Variants in PRMT8 observed in about 807,000 individuals in gnomAD.
PRMT8 encodes the protein protein arginine N-methyltransferase 8.
PRMT8 carries 7 observed loss-of-function variants against 47.1 expected under a neutral mutation model. The ratio of observed to expected loss-of-function variants is 0.15; its 90% CI spans 0.08 to 0.28. PRMT8 has a LOEUF of 0.28. Ranked by LOEUF, PRMT8 falls within the 10% of genes least tolerant of loss-of-function variation. PRMT8 has a pLI of 1.00. For missense variants in PRMT8, 237 were observed against 505.4 expected, an observed-to-expected ratio of 0.47 and a Z score of 5.09; for synonymous variants, 188 against 186.5, an observed-to-expected ratio of 1.01 and a Z score of -0.07.
At chr12:3,412,962 T>C (rs1403510704) in intron 1 of PRMT8, among the ~76,000 whole-genome samples, 2 of 152,226 alleles carry the variant, frequency 1.3e-5, no homozygotes, top group East Asian at 1.9e-4. Flanking sequence ...TGGTCTGCCA[T>C]AGCAATCCTG....
chr12:3,390,427 G>T (rs143450999), intron 1 of PRMT8, among the ~76,000 whole-genome samples: 13 of 152,324 alleles, frequency 8.5e-5, no homozygotes, highest in African/African-American at 2.6e-4. Flanking sequence ...CATACAGCAT[G>T]GCTTTGGGCT....
chr12:3,579,732 T>G (rs997424472), intron 7 of PRMT8, among the ~76,000 whole-genome samples: 9 of 152,214 alleles, frequency 5.9e-5, no homozygotes, highest in Non-Finnish European at 8.8e-5. Context: ...TCATCGCTAT[T>G]AACATTGCAG....
rs74056249 is a variant in PRMT8 at position 3,590,522 on chromosome 12, C to T, written c.980-1709C>T. Among the ~76,000 whole-genome samples, 1,162 of 152,078 alleles carry T rather than the reference C, an allele frequency of 7.6e-3. 13 individuals are homozygous for T. The highest frequency in any genetic ancestry group is 0.026 in the African/African-American group (1,083 of 41,480). On this transcript the variant is annotated intron_variant, in intron 8 of 9. Transcript: ENST00000382622. Reference sequence around the variant, plus strand: ...TGCCTAGTGACTAGCCTTTGTTCTGCCCCCAAAGCCATGATAAGGCCACAT... The same window carrying T: ...TGCCTAGTGACTAGCCTTTGTTCTGTCCCCAAAGCCATGATAAGGCCACAT...
intron 1 of PRMT8, among the ~76,000 whole-genome samples, chr12:3,477,840 T>A (rs1318865196): frequency 3.3e-5 from 5 of 152,188 alleles, no homozygotes; most frequent in African/African-American, 1.2e-4. Flanking sequence ...TATATCCAGC[T>A]CAAAGTTAAT....
intron 1 of PRMT8, among the ~76,000 whole-genome samples, chr12:3,425,773 T>C (rs1375422695): frequency 6.6e-6 from 1 of 152,228 alleles, no homozygotes; most frequent in South Asian, 2.1e-4. Context: ...CTCTGGTTGA[T>C]GAAATGCCAG....
At chr12:3,433,757 G>A (rs1265715503) in intron 1 of PRMT8, among the ~76,000 whole-genome samples, 1 of 152,162 alleles carries the variant, frequency 6.6e-6, no homozygotes, top group Non-Finnish European at 1.5e-5. Context: ...GGCTACAGGT[G>A]CATGCCGCCA....
intron 1 of PRMT8, among the ~76,000 whole-genome samples, chr12:3,494,202 G>A (rs972132783): frequency 6.6e-6 from 1 of 152,164 alleles, no homozygotes; most frequent in African/African-American, 2.4e-5. Flanking sequence ...TACCAGGAAA[G>A]CTAGGTACCC....
intron 1 of PRMT8, among the ~76,000 whole-genome samples, chr12:3,405,407 A>G (rs1565399950): frequency 6.6e-6 from 1 of 152,154 alleles, no homozygotes; most frequent in Non-Finnish European, 1.5e-5. Context: ...CTCCTTCCAA[A>G]TATCATGTCT....
At chr12:3,443,906 T>C (rs73254133) in intron 1 of PRMT8, among the ~76,000 whole-genome samples, 2,117 of 152,322 alleles carry the variant, frequency 0.014, 52 homozygotes, top group African/African-American at 0.048. Flanking sequence ...GCATTAGCTC[T>C]CTCTCCTGTA....
In PRMT8 at chr12:3,580,862, G is replaced by C. The variant is rs917110149; in HGVS notation, c.829-2196G>C. Among the ~76,000 whole-genome samples the C allele has an allele frequency of 2.0e-5, 3 of 152,304 alleles. No individual in the cohort carries two copies. Among genetic ancestry groups the C allele is most frequent in the Non-Finnish European group, 4.4e-5 (3 of 68,026 alleles). On this transcript the variant is annotated intron_variant, in intron 7 of 9. Coordinates refer to ENST00000382622, the MANE Select transcript of PRMT8 (RefSeq NM_019854.5). This position sits in a 1 kb window ranked among gnomAD's most constrained non-coding sequence, Gnocchi z 4.6. ...ATTAACAACAATACAGGCAACCAAG[G>C]CTTGTCCGAAGAGTTTTTGAGCTGG...
chr12:3,397,119 T>A (rs1483864162), intron 1 of PRMT8, among the ~76,000 whole-genome samples: 1 of 151,742 alleles, frequency 6.6e-6, no homozygotes, highest in African/African-American at 2.4e-5. Context: ...TTCTTCTAAA[T>A]TTTTTTCAAA....
intron 1 of PRMT8, among the ~76,000 whole-genome samples, chr12:3,416,107 C>T (rs1864480846): frequency 6.6e-6 from 1 of 152,164 alleles, no homozygotes; most frequent in Non-Finnish European, 1.5e-5. Context: ...GCATAGCACT[C>T]AAAAGCCTCC....
intron 1 of PRMT8, among the ~76,000 whole-genome samples, chr12:3,408,680 G>A (rs1272884520): frequency 6.6e-6 from 1 of 152,092 alleles, no homozygotes; most frequent in Admixed American, 6.5e-5. Context: ...CTGTGCATCT[G>A]GTGGAACAGC....
At chr12:3,382,823 C>T (rs1257733093) in intron 1 of PRMT8, among the ~76,000 whole-genome samples, 1 of 152,080 alleles carries the variant, frequency 6.6e-6, no homozygotes, top group Non-Finnish European at 1.5e-5. Context: ...TCTCCTGTGC[C>T]TTTTCTAAAA....
chr12:3,573,839 C>G (rs1049034880), intron 6 of PRMT8: 3 of 152,164 alleles, frequency 2.0e-5, no homozygotes, highest in African/African-American at 7.2e-5. Flanking sequence ...ACCAATGGCT[C>G]TTACCCCACA....
intron 1 of PRMT8, among the ~76,000 whole-genome samples, chr12:3,477,754 C>T (rs778201377): frequency 2.0e-5 from 3 of 152,196 alleles, no homozygotes; most frequent in African/African-American, 4.8e-5. Context: ...CTCCTGTACC[C>T]GAATGGGCTG....
At chr12:3,419,357 G>A (rs759573514) in intron 1 of PRMT8, among the ~76,000 whole-genome samples, 2 of 152,224 alleles carry the variant, frequency 1.3e-5, no homozygotes, top group African/African-American at 2.4e-5. Flanking sequence ...GGGAAGGGGA[G>A]TGATCTATTG....
intron 1 of PRMT8, among the ~76,000 whole-genome samples, chr12:3,406,261 TG>T (rs1450147944): frequency 6.6e-6 from 1 of 152,230 alleles, no homozygotes; most frequent in Non-Finnish European, 1.5e-5. Context: ...GCCCTGAACT[TG>T]GCCCACAAAA....
At chr12:3,559,869 A>G (rs1452855110) in intron 4 of PRMT8, among the ~76,000 whole-genome samples, 1 of 152,122 alleles carries the variant, frequency 6.6e-6, no homozygotes, top group Non-Finnish European at 1.5e-5. Flanking sequence ...GCTCAGCCCC[A>G]CCTCATGGCT....
Sources: allele counts gnomAD v4.1 joint callset (sites outside exome capture counted in the v4.1 genomes callset), GRCh38; gene constraint gnomAD v4.1.1; non-coding constraint Gnocchi (gnomAD v3.1); transcripts MANE v1.5; gene names NCBI Gene and HGNC (gene_info 2026-07-23, HGNC 2026-07-21).